The following CA8 variants were observed in gnomAD, a reference collection of about 807,000 sequenced individuals.
CA8 encodes carbonic anhydrase-related protein.
A neutral mutation model predicts 41.4 loss-of-function variants in CA8; 22 were observed. The observed-to-expected ratio is 0.53, with a 90% CI of 0.38 to 0.76. The LOEUF (loss-of-function observed/expected upper bound fraction) is 0.76, where lower values mean the gene tolerates loss of function less well. Among genes scored for constraint, CA8 ranks in the 30% least tolerant of loss-of-function variants. CA8 has a pLI of 0.00. For synonymous variants in CA8, 121 were observed against 130.6 expected, an observed-to-expected ratio of 0.93 and a Z score of 0.50; for missense variants, 270 against 352.8, an observed-to-expected ratio of 0.77 and a Z score of 1.88.
intron 8 of CA8, among the ~76,000 whole-genome samples, chr8:60,191,905 G>T (rs74386602): frequency 0.018 from 2,711 of 152,170 alleles, 86 homozygotes; most frequent in African/African-American, 0.061. Context: ...ACATGTTGGT[G>T]TCCTATTCAT....
chr8:60,280,139 T>C (rs1207805137), intron 1 of CA8, among the ~76,000 whole-genome samples: 1 of 152,216 alleles, frequency 6.6e-6, no homozygotes, highest in Non-Finnish European at 1.5e-5. Flanking sequence ...TAATAATTTA[T>C]GATTCTAGGA....
chr8:60,269,320 G>C (rs1484143205), intron 2 of CA8, among the ~76,000 whole-genome samples: 1 of 152,056 alleles, frequency 6.6e-6, no homozygotes, highest in Non-Finnish European at 1.5e-5. Flanking sequence ...GAGTGATATT[G>C]GGTCACTACA....
chr8:60,204,241 T>C (rs1164663615), intron 8 of CA8, among the ~76,000 whole-genome samples: 1 of 152,236 alleles, frequency 6.6e-6, no homozygotes, highest in Non-Finnish European at 1.5e-5. Context: ...CATGTTTAAA[T>C]GACAAACTGG....
chr8:60,258,858 C>T (rs1803642145), intron 3 of CA8, among the ~76,000 whole-genome samples: 1 of 152,196 alleles, frequency 6.6e-6, no homozygotes, highest in Non-Finnish European at 1.5e-5. Context: ...GGAGGTAATG[C>T]TCACTGGCCC....
chr8:60,247,235 A>C (rs1291142103), intron 3 of CA8, among the ~76,000 whole-genome samples: 1 of 151,760 alleles, frequency 6.6e-6, no homozygotes, highest in Non-Finnish European at 1.5e-5. Context: ...TTTTTCTTTT[A>C]AGTTCCGGGA....
chr8:60,236,038 G>C (rs1225672886), intron 3 of CA8, among the ~76,000 whole-genome samples: 1 of 152,180 alleles, frequency 6.6e-6, no homozygotes, highest in African/African-American at 2.4e-5. Context: ...TTATGTGTCA[G>C]CTTGGCTAGG....
intron 7 of CA8, among the ~76,000 whole-genome samples, chr8:60,217,037 C>A (rs926322574): frequency 2.0e-5 from 3 of 152,140 alleles, no homozygotes; most frequent in African/African-American, 7.2e-5. Flanking sequence ...GCGCCTGCCA[C>A]CACACCTGGC....
At chr8:60,268,604 G>C (rs1390854562) in intron 2 of CA8, among the ~76,000 whole-genome samples, 2 of 152,280 alleles carry the variant, frequency 1.3e-5, no homozygotes, top group East Asian at 3.9e-4. Context: ...TGTTTTGATA[G>C]GGAGAACTTC....
intron 7 of CA8, among the ~76,000 whole-genome samples, chr8:60,210,370 A>G (rs1453490762): frequency 6.6e-6 from 1 of 152,212 alleles, no homozygotes; most frequent in Non-Finnish European, 1.5e-5. Context: ...AATGAAACAC[A>G]AGACAGCAAC....
chr8:60,211,447 G>A (rs1806832940), intron 7 of CA8, among the ~76,000 whole-genome samples: 1 of 152,136 alleles, frequency 6.6e-6, no homozygotes, highest in Non-Finnish European at 1.5e-5. Flanking sequence ...GCATGCACAG[G>A]TCACTGAGGA....
intron 8 of CA8, among the ~76,000 whole-genome samples, chr8:60,206,187 C>T (rs1469568014): frequency 3.3e-5 from 5 of 152,146 alleles, no homozygotes; most frequent in African/African-American, 1.2e-4. Context: ...GTAATCTCAG[C>T]CACCAAAGTA....
chr8:60,249,121 AT>A (rs1414536973), intron 3 of CA8, among the ~76,000 whole-genome samples: 1 of 152,146 alleles, frequency 6.6e-6, no homozygotes, highest in Non-Finnish European at 1.5e-5. Flanking sequence ...CTTTTTTTTA[AT>A]GCAAGAGAGT....
At chr8:60,234,431 T>C (rs937175137) in intron 3 of CA8, among the ~76,000 whole-genome samples, 3 of 152,228 alleles carry the variant, frequency 2.0e-5, no homozygotes, top group Non-Finnish European at 2.9e-5. Flanking sequence ...ATTGGTCCAT[T>C]AATTGTAACA....
intron 5 of CA8, 50 bp downstream of exon 5, chr8:60,226,823 G>A (rs1359676060): frequency 1.9e-6 from 2 of 1,075,410 alleles, no homozygotes; most frequent in African/African-American, 1.6e-5. Context: ...GTGGTCACAG[G>A]GAGCTCCTAC....
intron 2 of CA8, among the ~76,000 whole-genome samples, chr8:60,275,732 C>T (rs1430042311): frequency 6.6e-6 from 1 of 151,916 alleles, no homozygotes; most frequent in African/African-American, 2.4e-5. Flanking sequence ...ACTGGAAAAA[C>T]CTACCAAGTG....
intron 2 of CA8, among the ~76,000 whole-genome samples, chr8:60,270,675 CA>C (rs1471406354): frequency 6.6e-6 from 1 of 152,190 alleles, no homozygotes; most frequent in Non-Finnish European, 1.5e-5. Context: ...CTTGGCCTCC[CA>C]AAGTGCGTAG....
chr8:60,262,805 G>A (rs904240667), intron 3 of CA8, among the ~76,000 whole-genome samples: 1 of 152,240 alleles, frequency 6.6e-6, no homozygotes, highest in East Asian at 1.9e-4. Flanking sequence ...ATGATAAGCA[G>A]TGTGTCAGAT....
At chr8:60,190,009 AT>A (rs1184219004) in intron 8 of CA8, 24 bp from the exon 9 acceptor site, 6 of 150,206 alleles carry the variant, frequency 4.0e-5, no homozygotes, top group African/African-American at 5.0e-5. Flanking sequence ...AAAAAAAAAA[AT>A]GAATCAATTA....
At chr8:60,193,341 T>C (rs1365099919) in intron 8 of CA8, among the ~76,000 whole-genome samples, 1 of 152,214 alleles carries the variant, frequency 6.6e-6, no homozygotes, top group African/African-American at 2.4e-5. Flanking sequence ...CTGGACTGAC[T>C]GCCTGGTTTG....
Sources: gnomAD v4.1 joint callset for allele counts (sites outside exome capture counted in the v4.1 genomes callset) on GRCh38, gnomAD v4.1.1 for gene constraint, MANE v1.5 for transcripts, NCBI Gene and HGNC (gene_info 2026-07-23, HGNC 2026-07-21) for gene names.